LGSN: variants seen among roughly 807,000 people sequenced by gnomAD.
LGSN encodes the protein lengsin.
A neutral mutation model predicts 19.5 loss-of-function variants in LGSN; 21 were observed. The ratio of observed to expected loss-of-function variants is 1.07; its 90% CI spans 0.76 to 1.55. The LOEUF (loss-of-function observed/expected upper bound fraction) is 1.55. Among genes scored for constraint, LGSN ranks in the 40% most tolerant of loss-of-function variants. LGSN has a pLI of 0.00. For missense variants in LGSN, 673 were observed against 608.5 expected, an observed-to-expected ratio of 1.11 and a Z score of -1.12; for synonymous variants, 257 against 215.6, an observed-to-expected ratio of 1.19 and a Z score of -1.68.
the LGSN span, among the ~76,000 whole-genome samples, chr6:63,348,811 G>GA: frequency 5.9e-4 from 86 of 146,390 alleles, 1 homozygote; most frequent in Admixed American, 1.8e-3. Context: ...GGCTGGTCTC[G>GA]AAATCTTGGC....
At chr6:63,420,190 G>A in the LGSN span, among the ~76,000 whole-genome samples, 5 of 150,022 alleles carry the variant, frequency 3.3e-5, no homozygotes, top group South Asian at 4.2e-4. Flanking sequence ...GCGACAGACC[G>A]AGACTGCGTC....
At chr6:63,330,922 C>T in the LGSN span, among the ~76,000 whole-genome samples, 4 of 152,256 alleles carry the variant, frequency 2.6e-5, no homozygotes, top group South Asian at 6.2e-4. Context: ...TGCCCTAGAC[C>T]CTGTAGGACA....
At chr6:63,572,569 G>T in the LGSN span, 2 of 412,894 alleles carry the variant, frequency 4.8e-6, no homozygotes, top group South Asian at 1.1e-4. Flanking sequence ...AGAGTCTGGT[G>T]CCCCCGCCGC....
chr6:63,303,055 G>GAGGC (rs1344865945), intron 1 of LGSN, among the ~76,000 whole-genome samples: 1 of 152,126 alleles, frequency 6.6e-6, no homozygotes, highest in Non-Finnish European at 1.5e-5. Flanking sequence ...TTGAACCCAG[G>GAGGC]AGGCAGAGGT....
the LGSN span, among the ~76,000 whole-genome samples, chr6:63,501,886 T>A: frequency 6.6e-6 from 1 of 152,088 alleles, no homozygotes; most frequent in Non-Finnish European, 1.5e-5. Flanking sequence ...ATCCTCAAAC[T>A]CCCAGTTTAA....
At chr6:63,496,697 C>T in the LGSN span, among the ~76,000 whole-genome samples, 1 of 150,752 alleles carries the variant, frequency 6.6e-6, no homozygotes, top group Admixed American at 6.6e-5. Context: ...CAGCCATCCT[C>T]CCATCTCAGC....
intron 1 of LGSN, among the ~76,000 whole-genome samples, chr6:63,312,749 C>G (rs1268994289): frequency 6.6e-6 from 1 of 152,122 alleles, no homozygotes; most frequent in African/African-American, 2.4e-5. Flanking sequence ...TTGATCTGAA[C>G]TAGGAGAATA....
chr6:63,434,394 C>T, the LGSN span, among the ~76,000 whole-genome samples: 10 of 146,200 alleles, frequency 6.8e-5, no homozygotes, highest in Non-Finnish European at 1.2e-4. Flanking sequence ...GAGCCGAGAT[C>T]GCACCACTGC....
chr6:63,427,429 T>C, the LGSN span, among the ~76,000 whole-genome samples: 1 of 152,194 alleles, frequency 6.6e-6, no homozygotes, highest in East Asian at 1.9e-4. Flanking sequence ...TTTTCCTTAC[T>C]CAGGTGCTGG....
the LGSN span, among the ~76,000 whole-genome samples, chr6:63,415,188 G>A: frequency 2.0e-4 from 30 of 152,172 alleles, no homozygotes; most frequent in African/African-American, 7.0e-4. Context: ...AGGCATGCTA[G>A]TATGCACCTG....
chr6:63,453,200 A>G, the LGSN span, among the ~76,000 whole-genome samples: 1,487 of 152,212 alleles, frequency 9.8e-3, 16 homozygotes, highest in African/African-American at 0.033. Flanking sequence ...TGAGATTTGT[A>G]TGGCCTGGAA....
the LGSN span, among the ~76,000 whole-genome samples, chr6:63,491,376 G>A: frequency 6.6e-6 from 1 of 152,126 alleles, no homozygotes; most frequent in African/African-American, 2.4e-5. Flanking sequence ...TCCACTTCTA[G>A]CAATTCCTGC....
intron 1 of LGSN, among the ~76,000 whole-genome samples, chr6:63,314,829 G>A (rs572786174): frequency 1.3e-5 from 2 of 152,134 alleles, no homozygotes; most frequent in South Asian, 4.1e-4. Flanking sequence ...AAATATCAAG[G>A]GCCCAGAAAG....
At chr6:63,466,247 G>GTTTTTA in the LGSN span, among the ~76,000 whole-genome samples, 2 of 152,290 alleles carry the variant, frequency 1.3e-5, no homozygotes, top group Admixed American at 1.3e-4. Context: ...CCCCTAGAGA[G>GTTTTTA]TTTTTATTTT....
In LGSN at chr6:63,278,018, G is replaced by T. The variant is rs1187649009; in HGVS notation, c.*2003C>A. Reference sequence around the variant, plus strand: ...GAACCCAGGGGGCAGAGGTTGCAGTGAGCCAAGACCCCCCCACATTGCACT... The same window carrying T: ...GAACCCAGGGGGCAGAGGTTGCAGTTAGCCAAGACCCCCCCACATTGCACT... On this transcript the variant is annotated 3_prime_UTR_variant, in exon 4 of 4. Coordinates refer to ENST00000370657, the MANE Select transcript of LGSN (RefSeq NM_016571.3). 2 of 150,812 alleles carry T rather than the reference G, an allele frequency of 1.3e-5. No individual in the cohort carries two copies. The highest frequency in any genetic ancestry group is 1.3e-4 in the Admixed American group (2 of 15,108). 9.3% of individuals were successfully genotyped at this position (150,812 alleles called of 1,614,324 possible).
the LGSN span, among the ~76,000 whole-genome samples, chr6:63,347,275 A>AT: frequency 5.3e-5 from 8 of 152,242 alleles, no homozygotes; most frequent in East Asian, 1.4e-3. Context: ...AGTTTTATGT[A>AT]TTTTTCCTTA....
the LGSN span, among the ~76,000 whole-genome samples, chr6:63,482,655 G>A: frequency 6.6e-6 from 1 of 152,126 alleles, no homozygotes; most frequent in African/African-American, 2.4e-5. Flanking sequence ...GAACCCAGGA[G>A]GCAGAGGTTG....
At chr6:63,502,509 G>T in the LGSN span, among the ~76,000 whole-genome samples, 5 of 152,124 alleles carry the variant, frequency 3.3e-5, no homozygotes, top group African/African-American at 1.2e-4. Context: ...CCAAAAAAGT[G>T]CATTAAAAAG....
chr6:63,429,650 C>T, the LGSN span, among the ~76,000 whole-genome samples: 32 of 151,128 alleles, frequency 2.1e-4, no homozygotes, highest in African/African-American at 7.8e-4. Context: ...GCAGGAGAAT[C>T]GCTTGAACCC....
Sources: allele counts gnomAD v4.1 joint callset (sites outside exome capture counted in the v4.1 genomes callset), GRCh38; gene constraint gnomAD v4.1.1; transcripts MANE v1.5; gene names NCBI Gene and HGNC (gene_info 2026-07-23, HGNC 2026-07-21).